Variants in FRY observed in about 807,000 individuals in gnomAD.
FRY encodes the protein FRY microtubule binding protein, also known as protein furry homolog.
FRY carries 128 observed loss-of-function variants against 348.4 expected under a neutral mutation model. The ratio of observed to expected loss-of-function variants is 0.37; its 90% confidence interval spans 0.32 to 0.43. The LOEUF is 0.43. Ranked by LOEUF, FRY falls within the 20% of genes least tolerant of loss-of-function variation. FRY has a pLI of 1.00. For synonymous variants in FRY, 1,370 were observed against 1,374.7 expected, an observed-to-expected ratio of 1.00 and a Z score of 0.08; for missense variants, 2,736 against 3,695.2, an observed-to-expected ratio of 0.74 and a Z score of 6.73.
At chr13:32,086,570 G>A (rs943020971) in intron 2 of FRY, among the ~76,000 whole-genome samples, 1 of 152,130 alleles carries the variant, frequency 6.6e-6, no homozygotes, top group African/African-American at 2.4e-5. Context: ...AAGCTAAATT[G>A]GGGATTGGGC....
Position 32,254,328 on chromosome 13 carries a change from C to T in FRY, c.7350C>T (p.Asn2450=), listed in dbSNP as rs1887229722. Residue 2450 remains asparagine, a synonymous_variant, in exon 51 of 61, where the codon AAC becomes AAT. Transcript: ENST00000542859. ...AREQENMDDT[N]SEQQFRVFRD... is the part of the protein sequence containing the mutation. ...AGCAGGAGAACATGGATGACACAAA[C>T]AGCGAGCAGCAGTTTAGAGTCTTCA... is the stretch of plus-strand genomic sequence containing the variant. 2.5e-6 allele frequency: 4 copies of T among 1,614,114 alleles called. No individual in the cohort carries two copies. The highest frequency in any genetic ancestry group is 3.4e-6 in the Non-Finnish European group (4 of 1,180,002).
At chr13:32,211,153 C>T in intron 34 of FRY, 119 bp downstream of exon 34, 1 of 929,940 alleles carries the variant, frequency 1.1e-6, no homozygotes, top group Non-Finnish European at 1.7e-6. Flanking sequence ...TGTGTGCATT[C>T]AGTTAAGAGA....
At chr13:32,118,543 G>A (rs1031621571) in intron 4 of FRY, among the ~76,000 whole-genome samples, 10 of 152,130 alleles carry the variant, frequency 6.6e-5, no homozygotes, top group African/African-American at 2.2e-4. Flanking sequence ...TTGTTTGGGA[G>A]AGAGATTAAT....
intron 39 of FRY, among the ~76,000 whole-genome samples, chr13:32,226,388 T>C (rs918422886): frequency 6.6e-6 from 1 of 152,176 alleles, no homozygotes; most frequent in Non-Finnish European, 1.5e-5. Flanking sequence ...CTAGTGCCCA[T>C]GAAGGAATTT....
intron 41 of FRY, among the ~76,000 whole-genome samples, chr13:32,233,546 T>C (rs1684464312): frequency 2.0e-5 from 3 of 152,224 alleles, no homozygotes; most frequent in Admixed American, 1.3e-4. Flanking sequence ...GGCTGCCTTC[T>C]TCACAGTATC....
chr13:32,211,067 C>G, intron 34 of FRY, 33 bp downstream of exon 34: 1 of 1,599,614 alleles, frequency 6.3e-7, no homozygotes, highest in South Asian at 1.1e-5. Flanking sequence ...CACCTGGTCA[C>G]AGATCCCTGG....
At chr13:32,157,433 G>C (rs759968749) in intron 16 of FRY, 28 bp downstream of exon 16, 1 of 1,604,754 alleles carries the variant, frequency 6.2e-7, no homozygotes. Context: ...TAAGTTATCA[G>C]TGAAAGATTA....
At chr13:32,285,929 T>G (rs1284960358) in intron 58 of FRY, among the ~76,000 whole-genome samples, 1 of 152,226 alleles carries the variant, frequency 6.6e-6, no homozygotes, top group African/African-American at 2.4e-5. Context: ...AGTAAACACC[T>G]GAAGCTGTGT....
chr13:32,076,349 C>T (rs1229495374), intron 1 of FRY, among the ~76,000 whole-genome samples: 2 of 152,198 alleles, frequency 1.3e-5, no homozygotes, highest in Non-Finnish European at 2.9e-5. Flanking sequence ...ATCCCAGTCT[C>T]TGGTTCTGTG....
At chr13:32,062,582 T>G (rs1874007066) in intron 1 of FRY, among the ~76,000 whole-genome samples, 1 of 152,202 alleles carries the variant, frequency 6.6e-6, no homozygotes. Context: ...TTAAGTGAAT[T>G]TTATGTCTTT....
Position 32,117,335 on chromosome 13 carries a change from T to C in FRY, c.326T>C (p.Val109Ala), listed in dbSNP as rs756336270. ...QRGEDPQFDQ[V>A]ISSMSSLSEY... ...AATCACCTGCATTTTCCTCCATAGGTCATCAGCTCAATGAGCTCCCTTTCT... is the reference window on the plus strand; with the variant it reads ...AATCACCTGCATTTTCCTCCATAGGCCATCAGCTCAATGAGCTCCCTTTCT... Residue 109 changes from valine (V) to alanine (A), a missense_variant and splice_region_variant, in exon 4 of 61, where the codon GTC becomes GCC. Val to Ala is a moderately conservative substitution (Grantham distance 64). This residue lies in a region of FRY where 309 missense variants were observed against 418.1 expected (regional missense o/e 0.74). Transcript: ENST00000542859. The C allele has an allele frequency of 6.2e-7, 1 of 1,613,812 alleles. No individual in the cohort carries two copies. The highest frequency in any genetic ancestry group is 8.5e-7 in the Non-Finnish European group (1 of 1,179,792).
intron 17 of FRY, among the ~76,000 whole-genome samples, chr13:32,161,829 A>G (rs895143733): frequency 3.3e-5 from 5 of 152,220 alleles, no homozygotes; most frequent in Non-Finnish European, 5.9e-5. Flanking sequence ...TCACCTTCCC[A>G]ATGCACAATC....
intron 24 of FRY, among the ~76,000 whole-genome samples, chr13:32,183,636 C>T (rs181377467): frequency 1.3e-5 from 2 of 151,966 alleles, no homozygotes. Context: ...ATTAGCTGGG[C>T]GTGGTGGCAC....
chr13:32,046,172 G>A (rs1873007221), intron 1 of FRY, among the ~76,000 whole-genome samples: 1 of 152,126 alleles, frequency 6.6e-6, no homozygotes, highest in Non-Finnish European at 1.5e-5. Context: ...TGCTCTTCAG[G>A]CTCTGGGAAA....
chr13:32,166,855 C>T (rs894279253), intron 17 of FRY, among the ~76,000 whole-genome samples: 5 of 152,160 alleles, frequency 3.3e-5, no homozygotes, highest in Non-Finnish European at 7.4e-5. Flanking sequence ...CCAGCTGAGC[C>T]TTCTATCCCA....
intron 4 of FRY, among the ~76,000 whole-genome samples, chr13:32,123,917 G>A (rs912347472): frequency 1.3e-5 from 2 of 152,046 alleles, no homozygotes; most frequent in African/African-American, 2.4e-5. Flanking sequence ...TGCAACCTCC[G>A]TCCGCCTCCC....
chr13:32,090,078 G>A (rs1876170684), intron 2 of FRY, among the ~76,000 whole-genome samples: 2 of 152,154 alleles, frequency 1.3e-5, no homozygotes, highest in South Asian at 4.1e-4. Flanking sequence ...GCCGGGCGCT[G>A]TGGCTCATGC....
Position 32,295,475 on chromosome 13 carries a change from C to T in FRY, c.*15C>T. The T allele has an allele frequency of 6.2e-7, 1 of 1,608,198 alleles. No individual in the cohort carries two copies. The highest frequency in any genetic ancestry group is 1.1e-5 in the South Asian group (1 of 91,072). The stretch of plus-strand genomic sequence containing the variant: ...CTAGTCTCTGACAGGAGCCTCCTGT[C>T]CCCACTGGGTTCCAAACTGGCAGTG... On this transcript the variant is annotated 3_prime_UTR_variant, in exon 61 of 61. Transcript: ENST00000542859.
chr13:32,129,212 T>A (rs1186305367), intron 7 of FRY, among the ~76,000 whole-genome samples: 1 of 152,228 alleles, frequency 6.6e-6, no homozygotes, highest in Non-Finnish European at 1.5e-5. Flanking sequence ...GTCCATTTTA[T>A]GATAATAACT....
Sources: allele counts gnomAD v4.1 joint callset (sites outside exome capture counted in the v4.1 genomes callset), GRCh38; gene constraint gnomAD v4.1.1; regional missense constraint gnomAD v4.1.1; transcripts MANE v1.5; gene names NCBI Gene and HGNC (gene_info 2026-07-23, HGNC 2026-07-21).